Variants in RBM34 observed in about 807,000 individuals in gnomAD.
The protein encoded by RBM34 is RNA binding motif protein 34.
RBM34 carries 39 observed loss-of-function variants against 44.6 expected under a neutral mutation model. The ratio of observed to expected loss-of-function variants is 0.87; its 90% confidence interval spans 0.68 to 1.14. RBM34 has a LOEUF of 1.14. Among genes scored for constraint, RBM34 ranks in the 50% most tolerant of loss-of-function variants. RBM34 has a pLI of 0.00. For missense variants in RBM34, 572 were observed against 517.9 expected (o/e 1.10, Z -1.01); for synonymous variants, 194 against 184.0 (o/e 1.05, Z -0.44).
rs929826966 is a variant in RBM34 at position 235,131,601 on chromosome 1, A to G, written c.*112T>C. 8.5e-7 allele frequency: 1 copy of G among 1,171,090 alleles called. No individual in the cohort carries two copies. The highest frequency in any genetic ancestry group is 1.2e-6 in the Non-Finnish European group (1 of 829,520). 72.5% of individuals were successfully genotyped at this position (1,171,090 alleles called of 1,614,324 possible). ...GAAGTCTCCACATTTCACATACACC[A>G]TCCATAAAGAAGTATAAAACTCAAC... On this transcript the variant is annotated 3_prime_UTR_variant, in exon 11 of 11. Coordinates refer to ENST00000408888, the MANE Select transcript of RBM34 (RefSeq NM_015014.4).
At chr1:235,135,867 G>A in intron 9 of RBM34, 97 bp from the exon 10 acceptor site, 1 of 1,284,984 alleles carries the variant, frequency 7.8e-7, no homozygotes, top group Non-Finnish European at 1.1e-6. Context: ...ATGGTCCCAT[G>A]AAAATAAGCC....
At chr1:235,136,122 G>T in intron 8 of RBM34, 49 bp from the exon 9 acceptor site, 1 of 1,500,186 alleles carries the variant, frequency 6.7e-7, no homozygotes. Context: ...ACCAGAAAAT[G>T]GAAGTCATCG....
rs751475529 is a variant in RBM34 at position 235,148,457 on chromosome 1, G to GA, written c.658-11dup. On this transcript the variant is annotated splice_polypyrimidine_tract_variant and intron_variant, in intron 5 of 10. Transcript: ENST00000408888. ...TTCCCTCTGCTGGAATCTTTCAAGAGAAAAAAAAAAGTATTAAAGACAGTA... is the reference window on the plus strand; with the variant it reads ...TTCCCTCTGCTGGAATCTTTCAAGAGAAAAAAAAAAAGTATTAAAGACAGTA... 6,527 of 1,396,976 alleles carry GA rather than the reference G, an allele frequency of 4.7e-3. No individual in the cohort carries two copies. The highest frequency in any genetic ancestry group is 7.3e-3 in the South Asian group (524 of 71,530). The allele number at this position is 1,396,976 out of a possible 1,614,324, so 86.5% of individuals were successfully genotyped here.
Position 235,152,771 on chromosome 1 carries a change from AT to A in RBM34, c.598-7del. 2 of 1,562,156 alleles carry A rather than the reference AT, an allele frequency of 1.3e-6. No individual in the cohort carries two copies. Among genetic ancestry groups the A allele is most frequent in the African/African-American group, 1.4e-5 (1 of 72,368 alleles). On this transcript the variant is annotated splice_region_variant and splice_polypyrimidine_tract_variant and intron_variant, in intron 4 of 10. Transcript: ENST00000408888. The stretch of plus-strand genomic sequence containing the variant: ...TTAAAAAACGACTTCAGCTTCTAAA[AT>A]TAAAAAAAAAAATACACATTAGCTG...
intron 10 of RBM34, 127 bp from the exon 11 acceptor site, chr1:235,132,124 G>C: frequency 4.8e-6 from 4 of 826,788 alleles, no homozygotes; most frequent in Non-Finnish European, 5.5e-6. Flanking sequence ...TCCAATCCCA[G>C]GTGTATCAGC....
At position 235,152,773 on chromosome 1, in the gene RBM34, T is replaced by C; in HGVS notation, c.598-8A>G. On this transcript the variant is annotated splice_region_variant and splice_polypyrimidine_tract_variant and intron_variant, in intron 4 of 10. Transcript: ENST00000408888. ...AAAAAACGACTTCAGCTTCTAAAAT[T>C]AAAAAAAAAAATACACATTAGCTGA... 7.7e-7 allele frequency: 1 copy of C among 1,297,982 alleles called. No individual in the cohort carries two copies. The allele number at this position is 1,297,982 out of a possible 1,614,324, so 80.4% of individuals were successfully genotyped here.
At chr1:235,139,861 C>T (rs1661600524) in intron 6 of RBM34, among the ~76,000 whole-genome samples, 1 of 152,196 alleles carries the variant, frequency 6.6e-6, no homozygotes. Context: ...AAATGCTGGG[C>T]ACCAGACAAG....
chr1:235,161,134 C>T, intron 1 of RBM34, 40 bp downstream of exon 1: 1 of 1,602,846 alleles, frequency 6.2e-7, no homozygotes, highest in Non-Finnish European at 8.5e-7. Context: ...AGGGAACGTA[C>T]AACATCCCTC....
At chr1:235,157,256 A>G (rs905556212) in intron 3 of RBM34, among the ~76,000 whole-genome samples, 2 of 152,248 alleles carry the variant, frequency 1.3e-5, no homozygotes, top group Non-Finnish European at 2.9e-5. Flanking sequence ...AACAGTGTGT[A>G]TCTGAGAAGA....
chr1:235,157,241 G>T (rs1662487827), intron 3 of RBM34, among the ~76,000 whole-genome samples: 1 of 152,170 alleles, frequency 6.6e-6, no homozygotes, highest in Admixed American at 6.6e-5. Flanking sequence ...TAAGGAGATG[G>T]TTACAACAGT....
chr1:235,134,071 C>T (rs766444754), intron 10 of RBM34, among the ~76,000 whole-genome samples: 6 of 152,096 alleles, frequency 3.9e-5, no homozygotes, highest in African/African-American at 7.2e-5. Flanking sequence ...CAGGGTCTCA[C>T]TCTGCCATCC....
intron 9 of RBM34, 29 bp downstream of exon 9, chr1:235,136,005 T>C (rs1441798731): frequency 6.6e-7 from 1 of 1,505,412 alleles, no homozygotes; most frequent in Admixed American, 1.8e-5. Flanking sequence ...TTTAGTAATA[T>C]TAACTGTACT....
chr1:235,147,289 A>C (rs1661945899), intron 6 of RBM34, among the ~76,000 whole-genome samples: 2 of 152,212 alleles, frequency 1.3e-5, no homozygotes, highest in South Asian at 4.1e-4. Context: ...CTGGAGGAGA[A>C]GCTGACGGTA....
intron 3 of RBM34, among the ~76,000 whole-genome samples, chr1:235,157,226 A>C (rs1662487168): frequency 6.6e-6 from 1 of 152,170 alleles, no homozygotes; most frequent in South Asian, 2.1e-4. Flanking sequence ...GAGAAGGGAG[A>C]CCAGTAAGGA....
In RBM34 at chr1:235,159,192, G is replaced by A. The variant is rs189315561; in HGVS notation, c.365+1319C>T. Among the ~76,000 whole-genome samples, 706 of 147,184 alleles carry A rather than the reference G, an allele frequency of 4.8e-3. 7 individuals are homozygous for A. Among genetic ancestry groups the A allele is most frequent in the African/African-American group, 0.017 (663 of 39,722 alleles). ...CGCACCACTGCACTCCAACCTGGGT[G>A]ACAGAGCCAGACCTTGTCTCAAAAA... On this transcript the variant is annotated intron_variant, in intron 3 of 10. Transcript: ENST00000408888.
chr1:235,152,828 A>G, intron 4 of RBM34, 63 bp from the exon 5 acceptor site: 1 of 1,381,488 alleles, frequency 7.2e-7, no homozygotes, highest in Admixed American at 2.3e-5. Flanking sequence ...GTGCTACAAA[A>G]AGGAATTAAG....
rs532836958 is a variant in RBM34, at chr1:235,138,138, G to C, written c.738C>G (p.Ala246=). The C allele has an allele frequency of 1.2e-6, 2 of 1,605,312 alleles. No individual in the cohort carries two copies. Among genetic ancestry groups the C allele is most frequent in the East Asian group, 4.5e-5 (2 of 44,810 alleles). Residue 246 remains alanine, a synonymous_variant, in exon 7 of 11, where the codon GCC becomes GCG. Transcript: ENST00000408888. ...KIHPDQKNIN[A]YVVFKEESAA... ...CACTCTCCTCCTTAAACACAACATA[G>C]GCATTAATATTTTTCTGATCAGGAT...
In RBM34 at chr1:235,135,739, A is replaced by G; in HGVS notation, c.921T>C (p.Phe307=). Residue 307 remains phenylalanine, a synonymous_variant, in exon 10 of 11, where the codon TTT becomes TTC. Coordinates refer to ENST00000408888, the MANE Select transcript of RBM34 (RefSeq NM_015014.4). ...CGGCCATGATACTTCCACAGTCCAGAAAGTGCTTCTCAATGGCAGATTCTT... is the reference window on the plus strand; with the variant it reads ...CGGCCATGATACTTCCACAGTCCAGGAAGTGCTTCTCAATGGCAGATTCTT... ...KVEESAIEKH[F]LDCGSIMAVR... 1 of 1,614,210 alleles carries G rather than the reference A, an allele frequency of 6.2e-7. No individual in the cohort carries two copies. Among genetic ancestry groups the G allele is most frequent in the African/African-American group, 1.3e-5 (1 of 75,052 alleles).
At position 235,152,093 on chromosome 1, in the gene RBM34, T is replaced by C. The variant is rs1252049948; in HGVS notation, c.657+613A>G. Among the ~76,000 whole-genome samples the C allele has an allele frequency of 3.9e-5, 6 of 152,070 alleles. No individual in the cohort carries two copies. In the East Asian group the frequency reaches 1.2e-3, roughly 29 times the overall value. ...CTAATATACATTAATTATGTAATAGTGCCCAAAAATGTACACTATGGTACG... is the reference window on the plus strand; with the variant it reads ...CTAATATACATTAATTATGTAATAGCGCCCAAAAATGTACACTATGGTACG... On this transcript the variant is annotated intron_variant, in intron 5 of 10. Transcript: ENST00000408888.
Sources: allele counts gnomAD v4.1 joint callset (sites outside exome capture counted in the v4.1 genomes callset), GRCh38; gene constraint gnomAD v4.1.1; transcripts MANE v1.5; gene names NCBI Gene and HGNC (gene_info 2026-07-23, HGNC 2026-07-21).